The following PPP1R9A variants were observed in gnomAD, a reference collection of about 807,000 sequenced individuals.
PPP1R9A encodes neurabin-1.
In PPP1R9A, 59 loss-of-function variants were observed where a neutral mutation model predicts 141.9. The observed-to-expected ratio is 0.42, with a 90% CI of 0.34 to 0.52. The LOEUF is 0.52. Ranked by LOEUF, PPP1R9A falls within the 20% of genes least tolerant of loss-of-function variation. The probability of loss-of-function intolerance (pLI) is 0.10; values close to 1 mark genes in which losing one functional copy is unlikely to be tolerated. For synonymous variants in PPP1R9A, 500 were observed against 569.7 expected (o/e 0.88, Z 1.74); for missense variants, 1,444 against 1,611.9 (o/e 0.90, Z 1.78).
chr7:95,181,204 T>G (rs192112559), intron 5 of PPP1R9A, among the ~76,000 whole-genome samples: 29 of 137,332 alleles, frequency 2.1e-4, no homozygotes, highest in Admixed American at 4.5e-4. Context: ...AGAATATATA[T>G]AGAATATATA....
Position 95,236,138 on chromosome 7 carries a change from TAAC to T in PPP1R9A, c.2112+10031_2112+10033del, listed in dbSNP as rs561589619. Among the ~76,000 whole-genome samples the T allele has an allele frequency of 1.6e-3, 236 of 152,242 alleles. 3 individuals carry two copies. The highest frequency in any genetic ancestry group is 5.5e-3 in the African/African-American group (230 of 41,566). ...CCACCTGTTCCCCAAAAACCTATTA[TAAC>T]AACAACAAAAAAATTTTAACTGCCA... On this transcript the variant is annotated intron_variant, in intron 8 of 19. Transcript: ENST00000433360.
intron 2 of PPP1R9A, among the ~76,000 whole-genome samples, chr7:95,098,866 AT>A (rs1353008770): frequency 2.0e-5 from 3 of 151,732 alleles, no homozygotes; most frequent in Non-Finnish European, 4.4e-5. Flanking sequence ...CCCCTGGGGG[AT>A]TTTCATGGGA....
chr7:95,084,562 T>A (rs1042637304), intron 2 of PPP1R9A, among the ~76,000 whole-genome samples: 3 of 152,034 alleles, frequency 2.0e-5, no homozygotes, highest in African/African-American at 4.8e-5. Context: ...CACTCCCTAA[T>A]ATAAAATCGT....
chr7:95,219,989 C>CT (rs1463197040), intron 7 of PPP1R9A, among the ~76,000 whole-genome samples: 1 of 152,094 alleles, frequency 6.6e-6, no homozygotes, highest in Non-Finnish European at 1.5e-5. Context: ...ATTCTAGGCA[C>CT]TGTGGTTAAC....
chr7:95,104,086 G>A (rs1032507595), intron 2 of PPP1R9A, among the ~76,000 whole-genome samples: 2 of 152,170 alleles, frequency 1.3e-5, no homozygotes, highest in East Asian at 1.9e-4. Context: ...ATGTATTAAC[G>A]TTAAGTATGC....
At chr7:94,953,908 G>C (rs1421410860) in intron 2 of PPP1R9A, among the ~76,000 whole-genome samples, 8 of 152,108 alleles carry the variant, frequency 5.3e-5, no homozygotes, top group African/African-American at 1.4e-4. Flanking sequence ...TCTGCAAACA[G>C]AGACAATTTG....
At chr7:95,145,983 T>C (rs950476360) in intron 4 of PPP1R9A, among the ~76,000 whole-genome samples, 1 of 152,164 alleles carries the variant, frequency 6.6e-6, no homozygotes, top group African/African-American at 2.4e-5. Flanking sequence ...GTCTTTACAG[T>C]AGAATGATTT....
At chr7:95,047,051 C>T (rs1331604960) in intron 2 of PPP1R9A, among the ~76,000 whole-genome samples, 1 of 152,112 alleles carries the variant, frequency 6.6e-6, no homozygotes, top group Non-Finnish European at 1.5e-5. Context: ...TGGAGTAATT[C>T]AGGAGAACAG....
chr7:94,956,193 C>A (rs538610477), intron 2 of PPP1R9A, among the ~76,000 whole-genome samples: 147 of 152,144 alleles, frequency 9.7e-4, no homozygotes, highest in Middle Eastern at 3.4e-3. Flanking sequence ...ACCCTTGGCT[C>A]TAAAGTACCG....
rs561699063 is a variant in PPP1R9A at position 95,283,522 on chromosome 7, G to A, written c.3297-496G>A. Among the ~76,000 whole-genome samples the A allele has an allele frequency of 2.2e-4, 34 of 152,188 alleles. No individual in the cohort carries two copies. In the South Asian group the frequency reaches 6.0e-3, roughly 27 times the overall value. Reference sequence around the variant, plus strand: ...TTCTGGTGAAAAACCAATAAACTACGTGTTCCACCTAAAGTATTTTGAACC... The same window carrying A: ...TTCTGGTGAAAAACCAATAAACTACATGTTCCACCTAAAGTATTTTGAACC... On this transcript the variant is annotated intron_variant, in intron 16 of 19. Coordinates refer to ENST00000433360, the MANE Select transcript of PPP1R9A (RefSeq NM_001166160.2).
intron 2 of PPP1R9A, among the ~76,000 whole-genome samples, chr7:94,962,653 G>A (rs187064270): frequency 4.1e-4 from 63 of 152,012 alleles, no homozygotes; most frequent in Non-Finnish European, 7.4e-4. Flanking sequence ...TAAATAGCTA[G>A]CAAAATCACA....
intron 2 of PPP1R9A, among the ~76,000 whole-genome samples, chr7:95,099,710 T>G (rs951425582): frequency 6.6e-6 from 1 of 151,948 alleles, no homozygotes; most frequent in African/African-American, 2.4e-5. Context: ...TAAAAATCAA[T>G]GAAAAATAAT....
chr7:94,945,782 A>G (rs1795829987), intron 2 of PPP1R9A, among the ~76,000 whole-genome samples: 1 of 152,080 alleles, frequency 6.6e-6, no homozygotes, highest in Non-Finnish European at 1.5e-5. Flanking sequence ...GCGGGATAGA[A>G]ACAAAAGAAT....
intron 2 of PPP1R9A, among the ~76,000 whole-genome samples, chr7:95,063,984 C>A (rs1025428464): frequency 6.6e-6 from 1 of 152,062 alleles, no homozygotes; most frequent in Non-Finnish European, 1.5e-5. Context: ...AAAATGGGGA[C>A]TTTTGAGATC....
At chr7:95,049,888 T>C (rs1399746643) in intron 2 of PPP1R9A, among the ~76,000 whole-genome samples, 1 of 152,244 alleles carries the variant, frequency 6.6e-6, no homozygotes, top group East Asian at 1.9e-4. Context: ...TTCCATTTTC[T>C]GAGTATACCA....
At chr7:95,183,718 A>T (rs2152805341) in intron 5 of PPP1R9A, among the ~76,000 whole-genome samples, 1 of 152,142 alleles carries the variant, frequency 6.6e-6, no homozygotes, top group East Asian at 1.9e-4. Context: ...AAGTGCTGAG[A>T]TTACAGGCGT....
chr7:94,999,958 C>T (rs560061872), intron 2 of PPP1R9A, among the ~76,000 whole-genome samples: 96 of 152,030 alleles, frequency 6.3e-4, no homozygotes, highest in African/African-American at 2.0e-3. Context: ...CCTGCCACCA[C>T]GCCAGGCTAA....
rs576017031 is a variant in PPP1R9A at position 95,121,831 on chromosome 7, A to G, written c.1649+999A>G. ...TCAAAGAAATAAATCCACTTCCATG[A>G]TAATGACATTGATCTATTTGTGAGG... On this transcript the variant is annotated intron_variant, in intron 4 of 19. Transcript: ENST00000433360. 3.3e-5 allele frequency among the ~76,000 whole-genome samples: 5 copies of G among 152,246 alleles called. No homozygotes were observed. The East Asian group carries it at 9.7e-4, about 29-fold the overall frequency.
At chr7:94,986,207 A>G (rs897573712) in intron 2 of PPP1R9A, among the ~76,000 whole-genome samples, 4 of 152,166 alleles carry the variant, frequency 2.6e-5, no homozygotes, top group African/African-American at 9.7e-5. Flanking sequence ...AAATTCTAGA[A>G]GAACCTGTTC....
Sources: gnomAD v4.1 joint callset for allele counts (sites outside exome capture counted in the v4.1 genomes callset) on GRCh38, gnomAD v4.1.1 for gene constraint, MANE v1.5 for transcripts, NCBI Gene and HGNC (gene_info 2026-07-23, HGNC 2026-07-21) for gene names.